ZNF660: variants seen among roughly 807,000 people sequenced by gnomAD.
ZNF660 encodes zinc finger protein 660.
ZNF660 carries 24 observed loss-of-function variants against 23.2 expected under a neutral mutation model. The ratio of observed to expected loss-of-function variants is 1.04; its 90% CI spans 0.75 to 1.46. ZNF660 has a LOEUF of 1.46. Ranked by LOEUF, ZNF660 falls within the 40% of genes most tolerant of loss-of-function variation. The probability of loss-of-function intolerance (pLI) is 0.00; values close to 1 mark genes in which losing one functional copy is unlikely to be tolerated. For missense variants in ZNF660, 373 were observed against 396.8 expected, an observed-to-expected ratio of 0.94 and a Z score of 0.51; for synonymous variants, 117 against 131.4, an observed-to-expected ratio of 0.89 and a Z score of 0.75.
rs376573451 is a variant in ZNF660 at position 44,585,345 on chromosome 3, A to C, written c.-290+338A>C. Among the ~76,000 whole-genome samples, 11 of 152,294 alleles carry C rather than the reference A, an allele frequency of 7.2e-5. No homozygotes were observed. In the East Asian group the frequency reaches 1.7e-3, roughly 24 times the overall value. ...CCACAGCCCCTGAGTATTTGACTCAAATCACCAGTCCAATATCCCTCCCGT... is the reference window on the plus strand; with the variant it reads ...CCACAGCCCCTGAGTATTTGACTCACATCACCAGTCCAATATCCCTCCCGT... On this transcript the variant is annotated intron_variant, in intron 1 of 2. Transcript: ENST00000322734.
At chr3:44,587,107 C>G (rs1325242894) in intron 2 of ZNF660, 1 of 152,068 alleles carries the variant, frequency 6.6e-6, no homozygotes, top group Non-Finnish European at 1.5e-5. Flanking sequence ...TTTCACTTAT[C>G]CATCCCTTGA....
chr3:44,590,182 T>C (rs1700368607), intron 2 of ZNF660, among the ~76,000 whole-genome samples: 1 of 151,976 alleles, frequency 6.6e-6, no homozygotes, highest in African/African-American at 2.4e-5. Context: ...AAGGGAAGTA[T>C]GATATTTCAT....
At chr3:44,589,175 T>C (rs990630628) in intron 2 of ZNF660, among the ~76,000 whole-genome samples, 5 of 152,226 alleles carry the variant, frequency 3.3e-5, no homozygotes, top group South Asian at 2.1e-4. Context: ...TGTTGTCTCC[T>C]AATTCATTTC....
chr3:44,586,842 G>GTATC (rs1700238350), intron 2 of ZNF660: 1 of 152,190 alleles, frequency 6.6e-6, no homozygotes, highest in Non-Finnish European at 1.5e-5. Context: ...ACACCATGTG[G>GTATC]TATCTACAGG....
chr3:44,594,281 G>T lies in ZNF660; in HGVS notation c.88G>T (p.Asp30Tyr), dbSNP rs1700533176. 6.2e-7 allele frequency: 1 copy of T among 1,614,016 alleles called. No individual in the cohort carries two copies. The highest frequency in any genetic ancestry group is 1.3e-5 in the African/African-American group (1 of 75,042). ...AGGGAGTGACCAAGAATCTGAAAAA[G>T]ACAATAGTCAGTGCTGTGACCCTGC... is the stretch of plus-strand genomic sequence containing the variant. ...TEGSDQESEK[D>Y]NSQCCDPATN... Residue 30 changes from aspartate to tyrosine, a missense_variant, in exon 3 of 3, where the codon GAC becomes TAC. Asp to Tyr is a radical substitution (Grantham distance 160). Coordinates refer to ENST00000322734, the MANE Select transcript of ZNF660 (RefSeq NM_173658.4).
Position 44,594,617 on chromosome 3 carries a change from G to A in ZNF660, c.424G>A (p.Ala142Thr). ...TTATGAATGTAAAGAGTGTGGGAAAGCCTTTAGTCGGAGTTCGGGCCTTAT... is the reference window on the plus strand; with the variant it reads ...TTATGAATGTAAAGAGTGTGGGAAAACCTTTAGTCGGAGTTCGGGCCTTAT... ...KTYECKECGK[A>T]FSRSSGLISH... is the part of the protein sequence containing the mutation. Residue 142 changes from alanine to threonine, a missense_variant, in exon 3 of 3, where the codon GCC (alanine) becomes ACC (threonine). Transcript: ENST00000322734. 2 of 1,614,138 alleles carry A rather than the reference G, an allele frequency of 1.2e-6. No individual in the cohort carries two copies. The highest frequency in any genetic ancestry group is 1.7e-6 in the Non-Finnish European group (2 of 1,180,020).
intron 2 of ZNF660, among the ~76,000 whole-genome samples, chr3:44,591,144 T>G (rs540277981): frequency 6.6e-6 from 1 of 152,340 alleles, no homozygotes; most frequent in East Asian, 1.9e-4. Flanking sequence ...AACTTTTTTT[T>G]TTGAGACAAA....
chr3:44,587,138 T>C (rs1700251373), intron 2 of ZNF660: 1 of 152,216 alleles, frequency 6.6e-6, no homozygotes, highest in African/African-American at 2.4e-5. Flanking sequence ...AGGTATTTCC[T>C]CTTATTCCTT....
rs552401481 is a variant in ZNF660 at position 44,590,646 on chromosome 3, T to C, written c.-180-3368T>C. The stretch of plus-strand genomic sequence containing the variant: ...CCCTGTGTTAGACCCAGAACAGGGA[T>C]ATATACAGAGTAGGGTGCTCATTAG... On this transcript the variant is annotated intron_variant, in intron 2 of 2. Transcript: ENST00000322734. Among the ~76,000 whole-genome samples, 3 of 152,312 alleles carry C rather than the reference T, an allele frequency of 2.0e-5. No individual in the cohort carries two copies. The East Asian group carries it at 5.8e-4, about 29-fold the overall frequency.
chr3:44,595,126 T>C lies in ZNF660; in HGVS notation c.933T>C (p.Tyr311=). 6.2e-7 allele frequency: 1 copy of C among 1,612,126 alleles called. No homozygotes were observed. The highest frequency in any genetic ancestry group is 8.5e-7 in the Non-Finnish European group (1 of 1,179,352). ...AATGTAGTGAGTGTGGGAAAGCCTA[T>C]CGGTATAGTTCACAGCTTATTCAAC... ...PYKCSECGKA[Y]RYSSQLIQHQ... Residue 311 remains tyrosine (Y), a synonymous_variant, in exon 3 of 3, where the codon TAT becomes TAC. Transcript: ENST00000322734.
At position 44,595,225 on chromosome 3, in the gene ZNF660, C is replaced by T. The variant is rs1559444467; in HGVS notation, c.*36C>T. 4.7e-6 allele frequency: 7 copies of T among 1,505,330 alleles called. No individual in the cohort carries two copies. Among genetic ancestry groups the T allele is most frequent in the Middle Eastern group, 1.8e-4 (1 of 5,574 alleles). 93.2% of individuals were successfully genotyped at this position (1,505,330 alleles called of 1,614,324 possible). ...TTGTGGGTAGTAGGGCTGACTGCTG[C>T]TTTTCTAAAAAGTAGTTCTTTAGTA... On this transcript the variant is annotated 3_prime_UTR_variant, in exon 3 of 3. Coordinates refer to ENST00000322734, the MANE Select transcript of ZNF660 (RefSeq NM_173658.4).
Position 44,597,616 on chromosome 3 carries a change from C to T in ZNF660, c.*2427C>T, listed in dbSNP as rs1700655260. 2.0e-5 allele frequency: 3 copies of T among 152,210 alleles called. No homozygotes were observed. The South Asian group carries it at 6.2e-4, about 32-fold the overall frequency. 9.4% of individuals were successfully genotyped at this position (152,210 alleles called of 1,614,324 possible). ...TCATGGACAAGCCTGGTCTATCATT[C>T]CTGAGCAGAATTGTTGATGCTTTAT... On this transcript the variant is annotated 3_prime_UTR_variant, in exon 3 of 3. Transcript: ENST00000322734. This position sits in a 1 kb window ranked among gnomAD's most constrained non-coding sequence, Gnocchi z 4.1.
chr3:44,591,524 T>C (rs1314613411), intron 2 of ZNF660, among the ~76,000 whole-genome samples: 1 of 152,208 alleles, frequency 6.6e-6, no homozygotes, highest in Non-Finnish European at 1.5e-5. Flanking sequence ...GTCCTAGGAA[T>C]ATATTTTAAT....
rs534725002 is a variant in ZNF660, at chr3:44,588,011, C to T, written c.-181+1798C>T. On this transcript the variant is annotated intron_variant, in intron 2 of 2. Transcript: ENST00000322734. Reference sequence around the variant, plus strand: ...CAGAGGTTGTAGTGAGCTGAGATCACGCCATTGCACTCTAGCCTAGGCAAC... The same window carrying T: ...CAGAGGTTGTAGTGAGCTGAGATCATGCCATTGCACTCTAGCCTAGGCAAC... Among the ~76,000 whole-genome samples the T allele has an allele frequency of 1.4e-4, 21 of 152,238 alleles. No individual in the cohort carries two copies. In the South Asian group the frequency reaches 3.3e-3, roughly 24 times the overall value.
At chr3:44,588,014 C>T (rs1368664738) in intron 2 of ZNF660, among the ~76,000 whole-genome samples, 1 of 152,142 alleles carries the variant, frequency 6.6e-6, no homozygotes, top group East Asian at 1.9e-4. Context: ...GAGATCACGC[C>T]ATTGCACTCT....
rs1700524297 is a variant in ZNF660 at position 44,594,029 on chromosome 3, C to G, written c.-165C>G. The G allele has an allele frequency of 4.7e-6, 4 of 845,244 alleles. No homozygotes were observed. The East Asian group carries it at 1.1e-4, about 23-fold the overall frequency. 52.4% of individuals were successfully genotyped at this position (845,244 alleles called of 1,614,324 possible). ...CTCCTGTCAGATGGTGAAACTGGGA[C>G]TGAGGAGGAGTTAATTCCAAAGCAT... On this transcript the variant is annotated 5_prime_UTR_variant, in exon 3 of 3. Coordinates refer to ENST00000322734, the MANE Select transcript of ZNF660 (RefSeq NM_173658.4).
At chr3:44,590,655 A>G (rs781579062) in intron 2 of ZNF660, among the ~76,000 whole-genome samples, 1 of 152,200 alleles carries the variant, frequency 6.6e-6, no homozygotes, top group Non-Finnish European at 1.5e-5. Context: ...ATATATACAG[A>G]GTAGGGTGCT....
At chr3:44,592,291 A>G (rs1257753008) in intron 2 of ZNF660, among the ~76,000 whole-genome samples, 1 of 152,250 alleles carries the variant, frequency 6.6e-6, no homozygotes, top group Non-Finnish European at 1.5e-5. Context: ...TTTTTTATCA[A>G]CTAAAAAATA....
At chr3:44,589,942 G>A (rs999324766) in intron 2 of ZNF660, among the ~76,000 whole-genome samples, 6 of 132,564 alleles carry the variant, frequency 4.5e-5, no homozygotes, top group Non-Finnish European at 4.8e-5. Flanking sequence ...TTATTTTCAT[G>A]TATACCAACC....
Sources: allele counts gnomAD v4.1 joint callset (sites outside exome capture counted in the v4.1 genomes callset), GRCh38; gene constraint gnomAD v4.1.1; non-coding constraint Gnocchi (gnomAD v3.1); transcripts MANE v1.5; gene names NCBI Gene and HGNC (gene_info 2026-07-23, HGNC 2026-07-21).